RBFOX1: variants seen among roughly 807,000 people sequenced by gnomAD.
RBFOX1 encodes RNA binding protein fox-1 homolog 1.
RBFOX1 carries 8 observed loss-of-function variants against 57.7 expected under a neutral mutation model. That is an observed-to-expected ratio of 0.14 (90% CI 0.08 to 0.25). The LOEUF is 0.25. Among genes scored for constraint, RBFOX1 ranks in the 10% least tolerant of loss-of-function variants. The pLI, the probability that RBFOX1 is intolerant of heterozygous loss-of-function variation, is 1.00. For missense variants in RBFOX1, 611 were observed against 548.5 expected (o/e 1.11, Z -1.14); for synonymous variants, 326 against 222.4 (o/e 1.47, Z -4.15).
chr16:6,926,001 T>G (rs2075510650), intron 3 of RBFOX1, among the ~76,000 whole-genome samples: 1 of 152,078 alleles, frequency 6.6e-6, no homozygotes, highest in Non-Finnish European at 1.5e-5. Context: ...CAGATCTCTG[T>G]CTATGCTCAA....
intron 2 of RBFOX1, among the ~76,000 whole-genome samples, chr16:6,343,293 C>A (rs1275329052): frequency 6.6e-6 from 1 of 152,168 alleles, no homozygotes; most frequent in Non-Finnish European, 1.5e-5. Flanking sequence ...TCTTCCCCTA[C>A]CCTGGTGGTA....
intron 3 of RBFOX1, among the ~76,000 whole-genome samples, chr16:7,029,081 TAC>T (rs71147635): frequency 0.04 from 1,859 of 46,954 alleles, 61 homozygotes; most frequent in Non-Finnish European, 0.045. Flanking sequence ...TATATATATA[TAC>T]ACACACACAC....
chr16:5,520,033 A>T (rs949229929), intron 2 of RBFOX1, among the ~76,000 whole-genome samples: 1 of 152,260 alleles, frequency 6.6e-6, no homozygotes, highest in Non-Finnish European at 1.5e-5. Context: ...TAAACGTATA[A>T]CTAAATGATG....
At chr16:6,416,779 C>T (rs1463085034) in intron 2 of RBFOX1, among the ~76,000 whole-genome samples, 4 of 152,170 alleles carry the variant, frequency 2.6e-5, no homozygotes, top group Non-Finnish European at 5.9e-5. Flanking sequence ...TTACAGGATA[C>T]ACGGATACAT....
chr16:6,726,325 A>C (rs1431208966), intron 3 of RBFOX1, among the ~76,000 whole-genome samples: 2 of 152,110 alleles, frequency 1.3e-5, no homozygotes, highest in Non-Finnish European at 1.5e-5. Flanking sequence ...TCAAATTACT[A>C]CCTGTAAAGA....
chr16:6,033,502 C>G (rs372356021), intron 1 of RBFOX1, among the ~76,000 whole-genome samples: 3 of 152,176 alleles, frequency 2.0e-5, no homozygotes, highest in Admixed American at 6.5e-5. Context: ...TTTATACCAA[C>G]AAAAGATAGC....
At chr16:6,330,793 A>T (rs967648494) in intron 2 of RBFOX1, among the ~76,000 whole-genome samples, 3 of 152,238 alleles carry the variant, frequency 2.0e-5, no homozygotes, top group African/African-American at 7.2e-5. Flanking sequence ...GTGTGATAAG[A>T]ATGTATGCAG....
rs528116700 is a variant in RBFOX1, at chr16:5,513,080, T to G, written c.258+45826T>G. The stretch of plus-strand genomic sequence containing the variant: ...GCAGGCGTGCACTACCATGCATAGG[T>G]TATTTCTTATTTTTTGTACAGATAG... On this transcript the variant is annotated intron_variant, in intron 2 of 2. Coordinates refer to the RBFOX1 transcript ENST00000585867. Among the ~76,000 whole-genome samples, 8 of 152,138 alleles carry G rather than the reference T, an allele frequency of 5.3e-5. No individual in the cohort carries two copies. The South Asian group carries it at 1.5e-3, about 28-fold the overall frequency.
At chr16:6,841,001 T>A (rs73534687) in intron 3 of RBFOX1, among the ~76,000 whole-genome samples, 1 of 151,956 alleles carries the variant, frequency 6.6e-6, no homozygotes, top group African/African-American at 2.4e-5. Context: ...ACACTGAATC[T>A]GCCAGCACCT....
chr16:7,426,309 G>A (rs2098610913), intron 4 of RBFOX1, among the ~76,000 whole-genome samples: 1 of 152,180 alleles, frequency 6.6e-6, no homozygotes, highest in Non-Finnish European at 1.5e-5. Flanking sequence ...TTTGCCTATA[G>A]TTGCAGCTAA....
chr16:6,956,417 T>A (rs2081856259), intron 3 of RBFOX1, among the ~76,000 whole-genome samples: 1 of 152,204 alleles, frequency 6.6e-6, no homozygotes, highest in African/African-American at 2.4e-5. Context: ...TGTCTTCCAG[T>A]GAATACTTGA....
At chr16:6,619,014 T>G (rs531378150) in intron 2 of RBFOX1, among the ~76,000 whole-genome samples, 1 of 152,278 alleles carries the variant, frequency 6.6e-6, no homozygotes, top group South Asian at 2.1e-4. Context: ...TGAGAGGAAC[T>G]TAATCGTTTC....
chr16:5,295,447 G>A lies in RBFOX1; in HGVS notation c.219+55342G>A, dbSNP rs138587283. The stretch of plus-strand genomic sequence containing the variant: ...TCAGGAATCTAGGCGTGACTCAGCT[G>A]GGTTCAGTGCAAGGCTGCAGCCGTA... On this transcript the variant is annotated intron_variant, in intron 1 of 2. Transcript: ENST00000585867. Among the ~76,000 whole-genome samples the A allele has an allele frequency of 6.8e-3, 1,040 of 152,340 alleles. 8 individuals carry two copies. The highest frequency in any genetic ancestry group is 0.024 in the African/African-American group (980 of 41,578).
intron 3 of RBFOX1, among the ~76,000 whole-genome samples, chr16:5,771,984 C>G (rs1040088673): frequency 6.6e-6 from 1 of 152,012 alleles, no homozygotes; most frequent in African/African-American, 2.4e-5. Flanking sequence ...CCAGCCTGAC[C>G]AACATGGTGA....
intron 3 of RBFOX1, among the ~76,000 whole-genome samples, chr16:5,755,810 C>G (rs966628294): frequency 6.6e-6 from 1 of 152,156 alleles, no homozygotes; most frequent in East Asian, 1.9e-4. Flanking sequence ...GTTGGTCAGG[C>G]TGGTCTCGAA....
intron 1 of RBFOX1, among the ~76,000 whole-genome samples, chr16:5,314,221 G>T (rs1283289534): frequency 6.6e-6 from 1 of 152,232 alleles, no homozygotes; most frequent in Non-Finnish European, 1.5e-5. Flanking sequence ...TGGAGTCTAA[G>T]CTTAGGCAAC....
chr16:6,147,337 G>A (rs192458799), intron 1 of RBFOX1, among the ~76,000 whole-genome samples: 2 of 152,030 alleles, frequency 1.3e-5, no homozygotes, highest in Non-Finnish European at 2.9e-5. Context: ...GCTTTTCTGT[G>A]ATCCCAAGCT....
At chr16:7,025,041 C>G (rs1290130563) in intron 3 of RBFOX1, among the ~76,000 whole-genome samples, 3 of 152,252 alleles carry the variant, frequency 2.0e-5, no homozygotes, top group South Asian at 2.1e-4. Context: ...GTTCTCAGAT[C>G]TCCCGCAAGA....
chr16:5,679,011 A>T (rs1464385107), intron 3 of RBFOX1, among the ~76,000 whole-genome samples: 1 of 152,324 alleles, frequency 6.6e-6, no homozygotes, highest in African/African-American at 2.4e-5. Context: ...GCAAAATGGG[A>T]TAATTGAACT....
Sources: gnomAD v4.1 joint callset for allele counts (sites outside exome capture counted in the v4.1 genomes callset) on GRCh38, gnomAD v4.1.1 for gene constraint, MANE v1.5 for transcripts, NCBI Gene and HGNC (gene_info 2026-07-23, HGNC 2026-07-21) for gene names.